ERAP2: variants seen among roughly 807,000 people sequenced by gnomAD.
The protein encoded by ERAP2 is leukocyte-derived arginine aminopeptidase.
Under a neutral mutation model 111.1 loss-of-function variants are expected in ERAP2, and 118 were observed. The ratio of observed to expected loss-of-function variants is 1.06; its 90% CI spans 0.92 to 1.24. The LOEUF is 1.24. Ranked by LOEUF, ERAP2 falls within the 50% of genes most tolerant of loss-of-function variation. The probability of loss-of-function intolerance (pLI) is 0.00; values close to 1 mark genes in which losing one functional copy is unlikely to be tolerated. For missense variants in ERAP2, 1,131 were observed against 1,125.8 expected (o/e 1.00, Z -0.07); for synonymous variants, 410 against 401.2 (o/e 1.02, Z -0.26).
chr5:96,908,434 T>C (rs1157577856), intron 13 of ERAP2, among the ~76,000 whole-genome samples: 1 of 152,224 alleles, frequency 6.6e-6, no homozygotes, highest in East Asian at 1.9e-4. Context: ...AATACTTGTT[T>C]TGTCCTATTC....
Position 96,892,285 on chromosome 5 carries a change from T to G in ERAP2, c.971-14T>G, listed in dbSNP as rs750912735. 3 of 1,613,376 alleles carry G rather than the reference T, an allele frequency of 1.9e-6. No individual in the cohort carries two copies. The East Asian group carries it at 6.7e-5, about 36-fold the overall frequency. On this transcript the variant is annotated splice_polypyrimidine_tract_variant and intron_variant, in intron 5 of 18. Coordinates refer to ENST00000437043, the MANE Select transcript of ERAP2 (RefSeq NM_022350.5). ...GAGCCATAAAACTCAAGTATGGTTGTTCTTATTTCTTAGATTTAATTGCTA... is the reference window on the plus strand; with the variant it reads ...GAGCCATAAAACTCAAGTATGGTTGGTCTTATTTCTTAGATTTAATTGCTA...
chr5:96,893,751 G>T (rs1242105273), intron 6 of ERAP2, among the ~76,000 whole-genome samples: 1 of 152,120 alleles, frequency 6.6e-6, no homozygotes, highest in East Asian at 1.9e-4. Flanking sequence ...GTCACTCTGT[G>T]CATAACCCTG....
At chr5:96,904,526 C>T (rs958932004) in intron 13 of ERAP2, among the ~76,000 whole-genome samples, 2 of 152,162 alleles carry the variant, frequency 1.3e-5, no homozygotes, top group African/African-American at 2.4e-5. Flanking sequence ...TCCCGTGGGT[C>T]TCAGGAACAT....
chr5:96,915,208 C>T (rs549996460), intron 17 of ERAP2, among the ~76,000 whole-genome samples: 2 of 152,192 alleles, frequency 1.3e-5, no homozygotes, highest in Middle Eastern at 3.4e-3. Context: ...AGGGTTTCTC[C>T]ATGCTGGTCA....
At position 96,896,487 on chromosome 5, in the gene ERAP2, G is replaced by C; in HGVS notation, c.1354G>C (p.Glu452Gln). 6.2e-7 allele frequency: 1 copy of C among 1,613,374 alleles called. No individual in the cohort carries two copies. The highest frequency in any genetic ancestry group is 1.1e-5 in the South Asian group (1 of 91,014). Reference sequence around the variant, plus strand: ...GACTCAAATACAGGAAATGTTTGATGAAGTTTCCTATAACAAGGTAGTAAA... The same window carrying C: ...GACTCAAATACAGGAAATGTTTGATCAAGTTTCCTATAACAAGGTAGTAAA... ...TPTQIQEMFD[E>Q]VSYNKGACIL... The change falls in exon 8 of 19, where the codon GAA becomes CAA. Residue 452 changes from glutamate to glutamine, a missense_variant. By Grantham distance (29) the Glu-to-Gln change is conservative (BLOSUM62 2). This residue lies in a region of ERAP2 where 847 missense variants were observed against 856.5 expected (regional missense o/e 0.99). Transcript: ENST00000437043.
At position 96,880,190 on chromosome 5, in the gene ERAP2, C is replaced by T; in HGVS notation, c.505C>T (p.Gln169Ter). 1 of 1,614,014 alleles carries T rather than the reference C, an allele frequency of 6.2e-7. No individual in the cohort carries two copies. Among genetic ancestry groups the T allele is most frequent in the Non-Finnish European group, 8.5e-7 (1 of 1,179,976 alleles). ...GAAATACTATGTGGCTATGGACTTC[C>T]AAGCCAAGTTAGGTGATGGCTTTGA... ...HLKYYVAMDF[Q>*]AKLGDGFEGF... Residue 169 changes from glutamine to a stop codon, truncating the protein, a stop_gained, in exon 2 of 19, where the codon CAA (glutamine) becomes TAA (stop). Transcript: ENST00000437043. LOFTEE classifies it high-confidence loss of function.
At chr5:96,913,980 GT>G (rs892745193) in intron 17 of ERAP2, among the ~76,000 whole-genome samples, 2 of 152,172 alleles carry the variant, frequency 1.3e-5, no homozygotes, top group Non-Finnish European at 2.9e-5. Context: ...CCTCCAAATT[GT>G]TTTGGTTCTG....
rs761424043 is a variant in ERAP2 at position 96,909,122 on chromosome 5, G to A, written c.2169+5G>A. The A allele has an allele frequency of 1.2e-6, 2 of 1,613,604 alleles. No homozygotes were observed. Among genetic ancestry groups the A allele is most frequent in the South Asian group, 2.2e-5 (2 of 91,050 alleles). On this transcript the variant is annotated splice_donor_5th_base_variant and intron_variant, in intron 14 of 18. Transcript: ENST00000437043. ...GATATCTCTGAAAACCTCAAGGTTT[G>A]TGTTGCTTTTAGAAAATGTATTAAG...
chr5:96,918,139 C>T lies in ERAP2; in HGVS notation c.*534C>T, dbSNP rs1787651677. Reference sequence around the variant, plus strand: ...ATGATGATGGAGTGGTGGGGGAAGGCCAGTTCAGTATCCTATTTAAAAGTA... The same window carrying T: ...ATGATGATGGAGTGGTGGGGGAAGGTCAGTTCAGTATCCTATTTAAAAGTA... On this transcript the variant is annotated 3_prime_UTR_variant, in exon 19 of 19. Coordinates refer to ENST00000437043, the MANE Select transcript of ERAP2 (RefSeq NM_022350.5). The T allele has an allele frequency of 6.6e-6, 1 of 152,208 alleles. No homozygotes were observed. The highest frequency in any genetic ancestry group is 1.5e-5 in the Non-Finnish European group (1 of 68,114). The allele number at this position is 152,208 out of a possible 1,614,324, so 9.4% of individuals were successfully genotyped here. A position where few individuals can be genotyped will look rare whatever the true frequency, so the allele number is the denominator to read the frequency against.
chr5:96,898,996 G>A (rs755056392), intron 9 of ERAP2, among the ~76,000 whole-genome samples: 1 of 152,128 alleles, frequency 6.6e-6, no homozygotes, highest in Non-Finnish European at 1.5e-5. Context: ...CATTTGGTGT[G>A]CATACTGGCA....
chr5:96,880,378 AC>A, intron 2 of ERAP2, 118 bp downstream of exon 2: 2 of 911,424 alleles, frequency 2.2e-6, no homozygotes, highest in Non-Finnish European at 1.6e-6. Context: ...ACTATGGGGA[AC>A]CCAGAAGAAG....
chr5:96,912,950 CA>C, intron 16 of ERAP2, 152 bp downstream of exon 16: 1 of 641,424 alleles, frequency 1.6e-6, no homozygotes, highest in Non-Finnish European at 2.6e-6. Context: ...AATATATTGA[CA>C]AAATGCAAAT....
At chr5:96,908,220 A>G (rs1257529035) in intron 13 of ERAP2, among the ~76,000 whole-genome samples, 2 of 152,196 alleles carry the variant, frequency 1.3e-5, no homozygotes, top group Non-Finnish European at 2.9e-5. Context: ...GGTGTTCACA[A>G]GAATGGCTTA....
At chr5:96,908,849 G>A in intron 13 of ERAP2, 112 bp from the exon 14 acceptor site, 2 of 1,124,406 alleles carry the variant, frequency 1.8e-6, no homozygotes, top group South Asian at 1.6e-5. Flanking sequence ...GAATGGCCCA[G>A]CTATAATGAC....
chr5:96,909,902 T>C, intron 15 of ERAP2, 138 bp downstream of exon 15: 2 of 782,734 alleles, frequency 2.6e-6, no homozygotes, highest in Non-Finnish European at 4.0e-6. Context: ...CCCTGTTTCA[T>C]GCTCTCACAT....
intron 4 of ERAP2, among the ~76,000 whole-genome samples, chr5:96,887,080 TA>T (rs1370855525): frequency 2.5e-5 from 2 of 80,036 alleles, no homozygotes; most frequent in Non-Finnish European, 5.0e-5. Context: ...AAAGTATATA[TA>T]TATATATATA....
At chr5:96,877,443 G>A (rs559415131) in intron 1 of ERAP2, among the ~76,000 whole-genome samples, 1 of 152,214 alleles carries the variant, frequency 6.6e-6, no homozygotes, top group South Asian at 2.1e-4. Flanking sequence ...CTTCATTTTG[G>A]CCATTGAATG....
chr5:96,888,487 GATTTTATACGTAAGC>G (rs1783994685), intron 4 of ERAP2, among the ~76,000 whole-genome samples: 1 of 152,202 alleles, frequency 6.6e-6, no homozygotes. Context: ...TATTAAATTA[GATTTTATACGTAAGC>G]ATTCAGCACA....
Position 96,915,714 on chromosome 5 carries a change from G to T in ERAP2, c.2684G>T (p.Arg895Met). The part of the protein sequence containing the change: ...KKFDLGSYDI[R>M]MIISGTTAHF... ...TTTGACTTGGGCTCATATGACATAA[G>T]GATGATCATCTCTGGCACAACAGCT... Residue 895 changes from arginine (R) to methionine (M), a missense_variant, in exon 18 of 19, where the codon AGG (arginine) becomes ATG (methionine). This residue lies in a region of ERAP2 where 279 missense variants were observed against 250.9 expected (regional missense o/e 1.11). Transcript: ENST00000437043. 1 of 1,593,394 alleles carries T rather than the reference G, an allele frequency of 6.3e-7. No homozygotes were observed. The highest frequency in any genetic ancestry group is 8.5e-7 in the Non-Finnish European group (1 of 1,170,698).
Sources: gnomAD v4.1 joint callset for allele counts (sites outside exome capture counted in the v4.1 genomes callset) on GRCh38, gnomAD v4.1.1 for gene constraint, gnomAD v4.1.1 regional missense constraint, MANE v1.5 for transcripts, NCBI Gene and HGNC (gene_info 2026-07-23, HGNC 2026-07-21) for gene names.